Variants in ATAD1 observed in about 807,000 individuals in gnomAD.
ATAD1 encodes outer mitochondrial transmembrane helix translocase.
A neutral mutation model predicts 42.7 loss-of-function variants in ATAD1; 18 were observed. That is an observed-to-expected ratio of 0.42 (90% CI 0.29 to 0.63). The LOEUF is 0.63. ATAD1 is among the 20% of genes least tolerant of loss of function. ATAD1 has a pLI of 0.19. For synonymous variants in ATAD1, 132 were observed against 143.1 expected, an observed-to-expected ratio of 0.92 and a Z score of 0.55; for missense variants, 294 against 440.4, an observed-to-expected ratio of 0.67 and a Z score of 2.98.
rs575071672 is a variant in ATAD1, at chr10:87,754,702, A to T, written c.1071T>A (p.His357Gln). ...KDAAFQNVLTHVCLD is the reference protein window; with the variant it reads ...KDAAFQNVLTQVCLD ...ATCTTTACTCTTAATCTAAACAAACATGTGTTAAAACATTCTGAAATGCTG... is the reference window on the plus strand; with the variant it reads ...ATCTTTACTCTTAATCTAAACAAACTTGTGTTAAAACATTCTGAAATGCTG... The change falls in exon 10 of 10, where the codon CAT becomes CAA. Residue 357 changes from histidine (H) to glutamine (Q), a missense_variant. Coordinates refer to ENST00000680024, the MANE Select transcript of ATAD1 (RefSeq NM_001321967.2). 1 of 1,613,194 alleles carries T rather than the reference A, an allele frequency of 6.2e-7. No homozygotes were observed. The highest frequency in any genetic ancestry group is 1.1e-5 in the South Asian group (1 of 91,044).
intron 1 of ATAD1, among the ~76,000 whole-genome samples, chr10:87,829,520 C>T (rs937610938): frequency 1.3e-5 from 2 of 152,180 alleles, no homozygotes; most frequent in African/African-American, 4.8e-5. Flanking sequence ...TCCCAAAGTG[C>T]TGGGATTACA....
At chr10:87,766,760 G>A (rs996092040) in intron 8 of ATAD1, among the ~76,000 whole-genome samples, 7 of 151,668 alleles carry the variant, frequency 4.6e-5, no homozygotes, top group African/African-American at 1.5e-4. Flanking sequence ...GCAGTGAGCC[G>A]AGATCGTGCC....
In ATAD1 at chr10:87,798,625, G is replaced by GTGTGTGTGTGTGTGTGTGTGTGT. The variant is rs567973402; in HGVS notation, c.163-5871_163-5870insACACACACACACACACACACACA. Among the ~76,000 whole-genome samples, 245 of 124,922 alleles carry GTGTGTGTGTGTGTGTGTGTGTGT rather than the reference G, an allele frequency of 2.0e-3. 1 individual carries two copies. The highest frequency in any genetic ancestry group is 4.2e-3 in the African/African-American group (138 of 32,840). The allele number at this position is 124,922 out of a possible 152,430, so 82.0% of individuals were successfully genotyped here. ...AAGTTCCAAAGTAAAAGCTATAGGG[G>GTGTGTGTGTGTGTGTGTGTGTGT]GTGTGTGTGTGTGTGTGTGTGTGTG... On this transcript the variant is annotated intron_variant, in intron 2 of 9. Transcript: ENST00000680024.
chr10:87,832,672 A>G (rs1197906973), intron 1 of ATAD1: 1 of 152,110 alleles, frequency 6.6e-6, no homozygotes, highest in Non-Finnish European at 1.5e-5. Context: ...TTTATATAAA[A>G]TTTAAAATAC....
chr10:87,837,628 T>C (rs994852906), intron 1 of ATAD1, among the ~76,000 whole-genome samples: 1 of 152,178 alleles, frequency 6.6e-6, no homozygotes, highest in Non-Finnish European at 1.5e-5. Context: ...ACTTTCTTAT[T>C]CCTGGGACTT....
chr10:87,790,201 A>C, intron 4 of ATAD1, 109 bp downstream of exon 4: 1 of 1,291,856 alleles, frequency 7.7e-7, no homozygotes, highest in Non-Finnish European at 1.1e-6. Context: ...CATAGATCTC[A>C]GCATCCTCTT....
At chr10:87,832,460 C>T (rs1389079471) in intron 1 of ATAD1, among the ~76,000 whole-genome samples, 2 of 150,644 alleles carry the variant, frequency 1.3e-5, no homozygotes, top group Non-Finnish European at 3.0e-5. Flanking sequence ...GCTGTTTATT[C>T]TGTTCCACTG....
rs1413112876 is a variant in ATAD1 at position 87,754,775 on chromosome 10, T to C, written c.998A>G (p.Gln333Arg). Reference sequence around the variant, plus strand: ...TTCAATTGCCCGATGCAGGTCCTGCTGTTGAACAGGCCGAATTTCATCTTC... The same window carrying C: ...TTCAATTGCCCGATGCAGGTCCTGCCGTTGAACAGGCCGAATTTCATCTTC... ...HDEDEIRPVQ[Q>R]QDLHRAIEKM... The change falls in exon 10 of 10, where the codon CAG (glutamine) becomes CGG (arginine). Residue 333 changes from glutamine to arginine, a missense_variant. Coordinates refer to ENST00000680024, the MANE Select transcript of ATAD1 (RefSeq NM_001321967.2). The C allele has an allele frequency of 7.4e-6, 12 of 1,613,704 alleles. No homozygotes were observed. The highest frequency in any genetic ancestry group is 1.0e-5 in the Non-Finnish European group (12 of 1,179,720).
chr10:87,769,499 G>A (rs529022365), intron 7 of ATAD1, among the ~76,000 whole-genome samples: 24 of 152,208 alleles, frequency 1.6e-4, no homozygotes, highest in African/African-American at 5.3e-4. Context: ...AACATCTCAG[G>A]CTCTCATAGC....
At chr10:87,817,931 A>G (rs1361537188) in intron 1 of ATAD1, 1 of 985,618 alleles carries the variant, frequency 1.0e-6, no homozygotes, top group Non-Finnish European at 1.2e-6. Context: ...AGAGCTAAGC[A>G]GACCCTAAGG....
intron 8 of ATAD1, among the ~76,000 whole-genome samples, chr10:87,757,575 T>C (rs1854282261): frequency 6.6e-6 from 1 of 152,206 alleles, no homozygotes; most frequent in African/African-American, 2.4e-5. Context: ...TTTAATCTTC[T>C]CAGAAACTAT....
chr10:87,825,714 CT>C (rs369462575), intron 1 of ATAD1, among the ~76,000 whole-genome samples: 35 of 148,828 alleles, frequency 2.4e-4, no homozygotes, highest in East Asian at 2.0e-3. Context: ...TTTTTTTTAA[CT>C]TTTAGAGACA....
At chr10:87,757,052 A>C in intron 8 of ATAD1, 130 bp from the exon 9 acceptor site, 1 of 705,340 alleles carries the variant, frequency 1.4e-6, no homozygotes, top group Non-Finnish European at 2.1e-6. Flanking sequence ...AGTTTCTAGA[A>C]GCTTTTTTTA....
chr10:87,802,750 T>C (rs1856762162), intron 2 of ATAD1, among the ~76,000 whole-genome samples: 2 of 152,208 alleles, frequency 1.3e-5, no homozygotes, highest in South Asian at 2.1e-4. Context: ...AATTTGTCTT[T>C]AGTGAAAATG....
intron 2 of ATAD1, among the ~76,000 whole-genome samples, chr10:87,808,920 T>C (rs923913897): frequency 6.6e-6 from 1 of 152,224 alleles, no homozygotes; most frequent in Non-Finnish European, 1.5e-5. Flanking sequence ...TTTGGAAGTG[T>C]TCCCTCGTTT....
At chr10:87,778,373 G>A (rs1327748190) in intron 5 of ATAD1, among the ~76,000 whole-genome samples, 1 of 141,706 alleles carries the variant, frequency 7.1e-6, no homozygotes, top group East Asian at 2.0e-4. Flanking sequence ...AATGACACAG[G>A]TTGAGTATCC....
intron 2 of ATAD1, among the ~76,000 whole-genome samples, chr10:87,801,639 C>A (rs899143131): frequency 1.3e-5 from 2 of 152,226 alleles, no homozygotes; most frequent in Non-Finnish European, 1.5e-5. Context: ...TTGTGTGCCA[C>A]AGAGATAATA....
intron 8 of ATAD1, 114 bp downstream of exon 8, chr10:87,767,559 G>A (rs1854818531): frequency 3.1e-6 from 3 of 979,258 alleles, no homozygotes; most frequent in South Asian, 1.4e-5. Context: ...TGGCTGCAGG[G>A]GCTGGAGATC....
At position 87,753,025 on chromosome 10, in the gene ATAD1, T is replaced by C. The variant is rs1156409786; in HGVS notation, c.*1662A>G. On this transcript the variant is annotated 3_prime_UTR_variant, in exon 10 of 10. Coordinates refer to ENST00000680024, the MANE Select transcript of ATAD1 (RefSeq NM_001321967.2). ...GAAGTGTGAAAACTCCATAGCAAGA[T>C]AAAGTCTAAACACAAGTTTTATAAA... 1 of 152,074 alleles carries C rather than the reference T, an allele frequency of 6.6e-6. No homozygotes were observed. Among genetic ancestry groups the C allele is most frequent in the African/African-American group, 2.4e-5 (1 of 41,436 alleles). 9.4% of individuals were successfully genotyped at this position (152,074 alleles called of 1,614,324 possible).
Sources: gnomAD v4.1 joint callset for allele counts (sites outside exome capture counted in the v4.1 genomes callset) on GRCh38, gnomAD v4.1.1 for gene constraint, MANE v1.5 for transcripts, NCBI Gene and HGNC (gene_info 2026-07-23, HGNC 2026-07-21) for gene names.